Variants in INSYN2B observed in about 807,000 individuals in gnomAD.
INSYN2B encodes the protein inhibitory synaptic factor family member 2B, also known as protein INSYN2B.
Under a neutral mutation model 41.2 loss-of-function variants are expected in INSYN2B, and 16 were observed. That is an observed-to-expected ratio of 0.39 (90% CI 0.26 to 0.59). INSYN2B has a LOEUF of 0.59. Among genes scored for constraint, INSYN2B ranks in the 20% least tolerant of loss-of-function variants. The probability of loss-of-function intolerance (pLI) is 0.57; values close to 1 mark genes in which losing one functional copy is unlikely to be tolerated. For synonymous variants in INSYN2B, 245 were observed against 244.4 expected, an observed-to-expected ratio of 1.00 and a Z score of -0.02; for missense variants, 608 against 646.4, an observed-to-expected ratio of 0.94 and a Z score of 0.64.
chr5:169,974,902 A>G (rs751676651), intron 1 of INSYN2B, among the ~76,000 whole-genome samples: 20 of 151,758 alleles, frequency 1.3e-4, no homozygotes, highest in Non-Finnish European at 2.1e-4. Flanking sequence ...GTTCTGTGCC[A>G]TTAAAAACTG....
chr5:169,870,145 C>T (rs1771861378), intron 3 of INSYN2B, among the ~76,000 whole-genome samples: 2 of 152,138 alleles, frequency 1.3e-5, no homozygotes, highest in Non-Finnish European at 2.9e-5. Flanking sequence ...TAGAGCCCTT[C>T]ACATCCAAGG....
chr5:169,978,021 C>G (rs1057365259), intron 1 of INSYN2B, among the ~76,000 whole-genome samples: 1 of 152,178 alleles, frequency 6.6e-6, no homozygotes, highest in Admixed American at 6.5e-5. Flanking sequence ...CTAGAAAGAA[C>G]TTTTCATCTG....
At chr5:169,915,076 A>T (rs1774803259) in intron 1 of INSYN2B, among the ~76,000 whole-genome samples, 1 of 152,204 alleles carries the variant, frequency 6.6e-6, no homozygotes, top group South Asian at 2.1e-4. Context: ...GCCACTTAGA[A>T]TCAATTCTAG....
chr5:169,891,783 G>T (rs1006244583), intron 1 of INSYN2B, among the ~76,000 whole-genome samples: 7 of 152,038 alleles, frequency 4.6e-5, no homozygotes, highest in Non-Finnish European at 7.4e-5. Context: ...AGGAGTTCAA[G>T]ACCAGCTTGG....
chr5:169,926,694 T>C (rs917767154), intron 1 of INSYN2B, among the ~76,000 whole-genome samples: 2 of 152,182 alleles, frequency 1.3e-5, no homozygotes, highest in Non-Finnish European at 2.9e-5. Flanking sequence ...TCAAAGATTA[T>C]TTAAAGAAAA....
chr5:169,943,024 G>A (rs985233352), intron 1 of INSYN2B, among the ~76,000 whole-genome samples: 6 of 152,190 alleles, frequency 3.9e-5, no homozygotes, highest in Admixed American at 6.5e-5. Flanking sequence ...TAAAAAAGAG[G>A]AATAAGTATA....
intron 1 of INSYN2B, among the ~76,000 whole-genome samples, chr5:169,904,864 C>A (rs1454169826): frequency 6.6e-6 from 1 of 152,086 alleles, no homozygotes; most frequent in East Asian, 1.9e-4. Flanking sequence ...GACTATGGCA[C>A]CTTCACTGCT....
intron 3 of INSYN2B, among the ~76,000 whole-genome samples, chr5:169,877,053 T>C (rs1772374354): frequency 6.6e-6 from 1 of 152,082 alleles, no homozygotes; most frequent in Admixed American, 6.6e-5. Flanking sequence ...TGGGGAAGGA[T>C]TGGATTGTGA....
intron 1 of INSYN2B, among the ~76,000 whole-genome samples, chr5:169,967,410 C>G (rs546543194): frequency 6.6e-6 from 1 of 152,248 alleles, no homozygotes; most frequent in South Asian, 2.1e-4. Flanking sequence ...GTCAGGCTGT[C>G]AGAGGTGATC....
Position 169,864,327 on chromosome 5 carries a change from C to G in INSYN2B, c.1554G>C (p.Gln518His). 6.4e-7 allele frequency: 1 copy of G among 1,551,636 alleles called. No homozygotes were observed. The highest frequency in any genetic ancestry group is 8.7e-7 in the Non-Finnish European group (1 of 1,146,960). Reference sequence around the variant, plus strand: ...CCTTCTTGGTTTTCCGCCTTAAGTCCTGCTTTTCCGGGGCTGGGGGTTCTG... The same window carrying G: ...CCTTCTTGGTTTTCCGCCTTAAGTCGTGCTTTTCCGGGGCTGGGGGTTCTG... ...SPAEPPAPEK[Q>H]DLRRKTKKVK... The change falls in exon 4 of 4, where the codon CAG becomes CAC. Residue 518 changes from glutamine to histidine, a missense_variant. Transcript: ENST00000377365.
chr5:169,887,167 T>C (rs1773019744), intron 1 of INSYN2B, among the ~76,000 whole-genome samples: 1 of 152,178 alleles, frequency 6.6e-6, no homozygotes, highest in Admixed American at 6.5e-5. Flanking sequence ...TGTGCAAGGC[T>C]AGCAAGCAGG....
intron 1 of INSYN2B, among the ~76,000 whole-genome samples, chr5:169,914,758 C>T (rs1294907559): frequency 1.3e-5 from 2 of 152,194 alleles, no homozygotes; most frequent in Non-Finnish European, 2.9e-5. Flanking sequence ...GGTCTTTTAG[C>T]CACCTTTGCC....
chr5:169,867,528 A>T (rs1353607253), intron 3 of INSYN2B, among the ~76,000 whole-genome samples: 1 of 151,676 alleles, frequency 6.6e-6, no homozygotes, highest in Non-Finnish European at 1.5e-5. Flanking sequence ...TCTATCATCT[A>T]TCATCTATCA....
At chr5:169,968,052 G>A (rs1182419595) in intron 1 of INSYN2B, among the ~76,000 whole-genome samples, 1 of 152,196 alleles carries the variant, frequency 6.6e-6, no homozygotes, top group South Asian at 2.1e-4. Flanking sequence ...GAGGAAGTTG[G>A]ATGCTGGATG....
chr5:169,866,680 A>G (rs1771583195), intron 3 of INSYN2B, among the ~76,000 whole-genome samples: 1 of 152,202 alleles, frequency 6.6e-6, no homozygotes, highest in Non-Finnish European at 1.5e-5. Context: ...CTTCTAGCCA[A>G]AGCCCAGAAT....
chr5:169,929,741 C>CAAAAAA (rs1211612989), intron 1 of INSYN2B, among the ~76,000 whole-genome samples: 1 of 62,958 alleles, frequency 1.6e-5, no homozygotes, highest in African/African-American at 5.5e-5. Flanking sequence ...GACCCTGTCT[C>CAAAAAA]AAAAAAAAAA....
intron 1 of INSYN2B, among the ~76,000 whole-genome samples, chr5:169,949,008 C>CCTCT (rs1242692847): frequency 6.6e-6 from 1 of 152,126 alleles, no homozygotes; most frequent in Non-Finnish European, 1.5e-5. Flanking sequence ...GCAATAGAAG[C>CCTCT]CTCTGCATGT....
chr5:169,943,501 A>G (rs1456194105), intron 1 of INSYN2B, among the ~76,000 whole-genome samples: 1 of 152,166 alleles, frequency 6.6e-6, no homozygotes, highest in African/African-American at 2.4e-5. Flanking sequence ...TCTTGAGAAA[A>G]CAGAAGGTCC....
intron 3 of INSYN2B, among the ~76,000 whole-genome samples, chr5:169,876,306 G>A (rs1772331952): frequency 6.6e-6 from 1 of 152,184 alleles, no homozygotes; most frequent in Non-Finnish European, 1.5e-5. Flanking sequence ...GTAGGATGTG[G>A]ACACCTTAGG....
Sources: allele counts gnomAD v4.1 joint callset (sites outside exome capture counted in the v4.1 genomes callset), GRCh38; gene constraint gnomAD v4.1.1; transcripts MANE v1.5; gene names NCBI Gene and HGNC (gene_info 2026-07-23, HGNC 2026-07-21).